The following CASP4 variants were observed in gnomAD, a reference collection of about 807,000 sequenced individuals.
The protein encoded by CASP4 is caspase 4.
A neutral mutation model predicts 41.3 loss-of-function variants in CASP4; 29 were observed. The observed-to-expected ratio is 0.70, with a 90% CI of 0.52 to 0.96. The LOEUF is 0.96. Among genes scored for constraint, CASP4 ranks in the 40% least tolerant of loss-of-function variants. The probability of loss-of-function intolerance (pLI) is 0.00; values close to 1 mark genes in which losing one functional copy is unlikely to be tolerated. For synonymous variants in CASP4, 185 were observed against 158.4 expected, an observed-to-expected ratio of 1.17 and a Z score of -1.26; for missense variants, 447 against 460.6, an observed-to-expected ratio of 0.97 and a Z score of 0.27.
intron 7 of CASP4, among the ~76,000 whole-genome samples, chr11:104,945,198 C>T (rs1371792271): frequency 1.3e-5 from 2 of 152,056 alleles, no homozygotes; most frequent in African/African-American, 4.8e-5. Flanking sequence ...TTTCAACACT[C>T]ACCAAGGCTG....
chr11:104,962,436 C>T (rs138427209), intron 1 of CASP4, among the ~76,000 whole-genome samples: 264 of 152,278 alleles, frequency 1.7e-3, no homozygotes, highest in African/African-American at 6.1e-3. Flanking sequence ...TAGCCTATAG[C>T]AAATCTGGTG....
At position 104,944,870 on chromosome 11, in the gene CASP4, T is replaced by A; in HGVS notation, c.1036-19A>T. ...GCTGTACCTGAAAAAGAAAATAGGC[T>A]GTAGATGAGATACGACTCTTTTCAA... On this transcript the variant is annotated intron_variant, in intron 7 of 8. Coordinates refer to ENST00000444739, the MANE Select transcript of CASP4 (RefSeq NM_001225.4). 1 of 1,491,804 alleles carries A rather than the reference T, an allele frequency of 6.7e-7. No homozygotes were observed. The highest frequency in any genetic ancestry group is 9.4e-7 in the Non-Finnish European group (1 of 1,068,768). The allele number at this position is 1,491,804 out of a possible 1,614,324, so 92.4% of individuals were successfully genotyped here.
intron 1 of CASP4, among the ~76,000 whole-genome samples, chr11:104,962,529 A>G (rs1346228304): frequency 6.6e-6 from 1 of 152,192 alleles, no homozygotes; most frequent in African/African-American, 2.4e-5. Flanking sequence ...TAGGACCCCT[A>G]TAAGCCTGCT....
chr11:104,943,791 T>C (rs1860382730), intron 8 of CASP4: 1 of 152,204 alleles, frequency 6.6e-6, no homozygotes, highest in South Asian at 2.1e-4. Context: ...CACTGAAAGC[T>C]GTTATGCTGA....
At chr11:104,964,797 A>T (rs1860936753) in intron 1 of CASP4, among the ~76,000 whole-genome samples, 1 of 152,202 alleles carries the variant, frequency 6.6e-6, no homozygotes, top group South Asian at 2.1e-4. Flanking sequence ...CCCAACTCAT[A>T]GGTATTTAAG....
chr11:104,948,638 A>T lies in CASP4; in HGVS notation c.820T>A (p.Ser274Thr). 6.2e-7 allele frequency: 1 copy of T among 1,610,130 alleles called. No homozygotes were observed. Among genetic ancestry groups the T allele is most frequent in the Non-Finnish European group, 8.5e-7 (1 of 1,177,526 alleles). ...GELWVRDSPA[S>T]LEVASSQSSE... ...GACTGTGAAGAGGCCACTTCCAAGGATGCTGGAGAGTCTCTGACCCACAGT... is the reference window on the plus strand; with the variant it reads ...GACTGTGAAGAGGCCACTTCCAAGGTTGCTGGAGAGTCTCTGACCCACAGT... Residue 274 changes from serine (S) to threonine (T), a missense_variant, in exon 6 of 9, where the codon TCC (serine) becomes ACC (threonine). Transcript: ENST00000444739.
At chr11:104,966,542 G>T (rs1480808755) in intron 1 of CASP4, among the ~76,000 whole-genome samples, 1 of 152,164 alleles carries the variant, frequency 6.6e-6, no homozygotes, top group South Asian at 2.1e-4. Context: ...AGAAGGGAGG[G>T]CTTGGCACTG....
chr11:104,950,461 T>C (rs1286005022), intron 4 of CASP4, among the ~76,000 whole-genome samples: 1 of 152,146 alleles, frequency 6.6e-6, no homozygotes, highest in Non-Finnish European at 1.5e-5. Flanking sequence ...AGTTGTCTTT[T>C]TTCTTACAAT....
chr11:104,954,703 T>C, intron 2 of CASP4, 44 bp downstream of exon 2: 1 of 1,585,666 alleles, frequency 6.3e-7, no homozygotes. Context: ...GTTAAACAGA[T>C]TTAGGGAAAA....
chr11:104,958,020 G>A (rs992734947), intron 1 of CASP4, among the ~76,000 whole-genome samples: 1 of 152,066 alleles, frequency 6.6e-6, no homozygotes, highest in Non-Finnish European at 1.5e-5. Flanking sequence ...TTCAACAAAG[G>A]TTTCATGAAC....
intron 1 of CASP4, among the ~76,000 whole-genome samples, chr11:104,968,169 TCTGGGCA>T (rs1339081292): frequency 1.3e-5 from 2 of 152,194 alleles, no homozygotes; most frequent in Non-Finnish European, 2.9e-5. Flanking sequence ...AGGTTTGTGA[TCTGGGCA>T]ATTAATTTGG....
chr11:104,945,144 C>G (rs1860424647), intron 7 of CASP4, among the ~76,000 whole-genome samples: 1 of 152,164 alleles, frequency 6.6e-6, no homozygotes, highest in African/African-American at 2.4e-5. Context: ...TAAGTTATCC[C>G]TTGAAAACTA....
rs748092632 is a variant in CASP4, at chr11:104,947,066, A to G, written c.1035+17T>C. The G allele has an allele frequency of 7.5e-6, 11 of 1,473,110 alleles. No individual in the cohort carries two copies. The South Asian group carries it at 1.3e-4, about 17-fold the overall frequency. The allele number at this position is 1,473,110 out of a possible 1,614,324, so 91.3% of individuals were successfully genotyped here. A position where few individuals can be genotyped will look rare whatever the true frequency, so the allele number is the denominator to read the frequency against. On this transcript the variant is annotated intron_variant, in intron 7 of 8. Coordinates refer to ENST00000444739, the MANE Select transcript of CASP4 (RefSeq NM_001225.4). ...TTCCTGAAGAAATAAATGAGTAACT[A>G]GAAAAGAGACACTTACCTTCCGAAA...
intron 1 of CASP4, among the ~76,000 whole-genome samples, chr11:104,957,992 T>A (rs1860772990): frequency 1.3e-5 from 2 of 152,132 alleles, no homozygotes; most frequent in South Asian, 4.1e-4. Flanking sequence ...AACCCAATTA[T>A]TTACATTAAT....
intron 1 of CASP4, among the ~76,000 whole-genome samples, chr11:104,955,424 A>G (rs1860715325): frequency 6.6e-6 from 1 of 151,998 alleles, no homozygotes; most frequent in East Asian, 1.9e-4. Flanking sequence ...TTTACTTCCT[A>G]TATGATTTTT....
chr11:104,962,020 A>G (rs1860871823), intron 1 of CASP4, among the ~76,000 whole-genome samples: 1 of 152,168 alleles, frequency 6.6e-6, no homozygotes, highest in Non-Finnish European at 1.5e-5. Flanking sequence ...CCAGGTTGAT[A>G]TTGGGTGCTG....
intron 1 of CASP4, among the ~76,000 whole-genome samples, chr11:104,964,455 TC>T (rs1260138839): frequency 6.6e-6 from 1 of 152,234 alleles, no homozygotes; most frequent in Non-Finnish European, 1.5e-5. Flanking sequence ...ACCTGATTTC[TC>T]CAGAATTTGG....
At chr11:104,943,014 C>T (rs1362699658) in intron 8 of CASP4, 41 bp from the exon 9 acceptor site, 1 of 453,884 alleles carries the variant, frequency 2.2e-6, no homozygotes, top group East Asian at 7.0e-5. Flanking sequence ...GATGGTTACC[C>T]CTTGCTGCCT....
chr11:104,951,197 C>G (rs966373288), intron 3 of CASP4, 99 bp from the exon 4 acceptor site: 1 of 976,682 alleles, frequency 1.0e-6, no homozygotes, highest in African/African-American at 1.6e-5. Context: ...CATGCAGCTC[C>G]TCTCTGCTCT....
Sources: gnomAD v4.1 joint callset for allele counts (sites outside exome capture counted in the v4.1 genomes callset) on GRCh38, gnomAD v4.1.1 for gene constraint, MANE v1.5 for transcripts, NCBI Gene and HGNC (gene_info 2026-07-23, HGNC 2026-07-21) for gene names.